Variants in NR5A2 observed in about 807,000 individuals in gnomAD.
NR5A2 encodes nuclear receptor subfamily 5 group A member 2, also known as CYP7A promoter-binding factor.
NR5A2 carries 26 observed loss-of-function variants against 62.7 expected under a neutral mutation model. That is an observed-to-expected ratio of 0.41 (90% CI 0.30 to 0.58). The LOEUF (loss-of-function observed/expected upper bound fraction) is 0.58, where lower values mean the gene tolerates loss of function less well. Ranked by LOEUF, NR5A2 falls within the 20% of genes least tolerant of loss-of-function variation. The pLI, the probability that NR5A2 is intolerant of heterozygous loss-of-function variation, is 0.22. For synonymous variants in NR5A2, 246 were observed against 241.7 expected (o/e 1.02, Z -0.16); for missense variants, 541 against 669.1 (o/e 0.81, Z 2.11).
chr1:200,126,730 G>A (rs1439403925), intron 7 of NR5A2, among the ~76,000 whole-genome samples: 4 of 148,996 alleles, frequency 2.7e-5, no homozygotes, highest in African/African-American at 5.0e-5. Context: ...GTCTCACTAT[G>A]TTGCCCAGGC....
Position 200,039,619 on chromosome 1 carries a change from T to G in NR5A2, c.65-39T>G, listed in dbSNP as rs1332373297. ...GCAGGCATCCCGGTCGCCCCTTCCT[T>G]CTTTTCGCCGGAGTTGAATCTGTGC... On this transcript the variant is annotated intron_variant, in intron 1 of 7. Transcript: ENST00000367362. The surrounding 1 kb of genome is among the most constrained non-coding windows in gnomAD (Gnocchi z 5.1). 6.2e-7 allele frequency: 1 copy of G among 1,606,724 alleles called. No homozygotes were observed. The highest frequency in any genetic ancestry group is 1.4e-5 in the African/African-American group (1 of 73,572).
At chr1:200,107,694 C>T (rs1480948831) in intron 5 of NR5A2, among the ~76,000 whole-genome samples, 1 of 152,148 alleles carries the variant, frequency 6.6e-6, no homozygotes. Flanking sequence ...GGCTGAAGTG[C>T]AGTGACACGA....
rs755882576 is a variant in NR5A2 at position 200,111,189 on chromosome 1, A to T, written c.1111-13A>T. 1 of 1,601,300 alleles carries T rather than the reference A, an allele frequency of 6.2e-7. No homozygotes were observed. On this transcript the variant is annotated splice_polypyrimidine_tract_variant and intron_variant, in intron 5 of 7. Transcript: ENST00000367362. ...TTGTTTTTTTTGTTTGTTTGTTTCT[A>T]TTTCTTTTGCAGGTTGATGACCAAA...
In NR5A2 at chr1:200,039,864, C is replaced by T. The variant is rs1241469506; in HGVS notation, c.202+69C>T. On this transcript the variant is annotated intron_variant, in intron 2 of 7. Transcript: ENST00000367362. The surrounding 1 kb of genome is among the most constrained non-coding windows in gnomAD (Gnocchi z 5.1). ...ACCCCCGGGCTCGCCCTGCAGGCTT[C>T]AGCCTCCCGCCCCGCGCGGGCGCGG... 10 of 1,497,656 alleles carry T rather than the reference C, an allele frequency of 6.7e-6. No individual in the cohort carries two copies. The highest frequency in any genetic ancestry group is 3.5e-6 in the Non-Finnish European group (4 of 1,131,366). The allele number at this position is 1,497,656 out of a possible 1,614,324, so 92.8% of individuals were successfully genotyped here.
Position 200,048,776 on chromosome 1 carries a change from T to A in NR5A2, c.1068T>A (p.Ile356=), listed in dbSNP as rs904337593. The part of the protein sequence containing the change: ...CKMADQTLFS[I]VEWARSSIFF... ...TGGCAGATCAAACTCTCTTCTCCAT[T>A]GTCGAGTGGGCCAGGAGTAGTATCT... Residue 356 remains isoleucine (I), a synonymous_variant, in exon 5 of 8, where the codon ATT becomes ATA. Coordinates refer to ENST00000367362, the MANE Select transcript of NR5A2 (RefSeq NM_205860.3). The surrounding 1 kb of genome is among the most constrained non-coding windows in gnomAD (Gnocchi z 4.8). 1.2e-6 allele frequency: 2 copies of A among 1,614,064 alleles called. No individual in the cohort carries two copies. The highest frequency in any genetic ancestry group is 1.7e-6 in the Non-Finnish European group (2 of 1,180,042).
intron 2 of NR5A2, among the ~76,000 whole-genome samples, chr1:200,041,403 C>T (rs1052106739): frequency 1.3e-5 from 2 of 152,100 alleles, no homozygotes; most frequent in African/African-American, 4.8e-5. Context: ...AGCGCCGGGG[C>T]AAGGCTTCGT....
At chr1:200,173,938 T>C (rs1654300139) in intron 7 of NR5A2, 25 bp from the exon 8 acceptor site, 2 of 72,692 alleles carry the variant, frequency 2.8e-5, no homozygotes, top group East Asian at 1.1e-3. Context: ...AAATGTTGCT[T>C]TTTTTTTTTT....
rs541638298 is a variant in NR5A2 at position 200,084,458 on chromosome 1, T to C, written c.1111-26744T>C. On this transcript the variant is annotated intron_variant, in intron 5 of 7. Transcript: ENST00000367362. ...GATTTAGGGAAAAATAATAGTTTTT[T>C]AAAGGTAGATTTATAGTTAGTAACT... is the stretch of plus-strand genomic sequence containing the variant. Among the ~76,000 whole-genome samples the C allele has an allele frequency of 4.6e-5, 7 of 152,332 alleles. 1 individual carries two copies. The highest frequency in any genetic ancestry group is 1.7e-4 in the African/African-American group (7 of 41,578).
intron 7 of NR5A2, among the ~76,000 whole-genome samples, chr1:200,128,699 G>T (rs796581902): frequency 4.6e-5 from 7 of 152,276 alleles, no homozygotes; most frequent in African/African-American, 1.7e-4. Context: ...AGGGCAGGGT[G>T]GAGTGGGGGT....
intron 5 of NR5A2, among the ~76,000 whole-genome samples, chr1:200,076,455 A>T (rs1571431038): frequency 6.8e-6 from 1 of 146,276 alleles, no homozygotes; most frequent in Non-Finnish European, 1.5e-5. Context: ...ATGCCCAGGA[A>T]TTTTTTTTTT....
intron 5 of NR5A2, among the ~76,000 whole-genome samples, chr1:200,095,556 A>G (rs566959333): frequency 2.0e-5 from 3 of 151,618 alleles, no homozygotes; most frequent in Non-Finnish European, 4.4e-5. Flanking sequence ...TCACCAAGTA[A>G]TATATTTTTT....
chr1:200,174,036 C>T lies in NR5A2; in HGVS notation c.1452C>T (p.Tyr484=), dbSNP rs1049925447. ...QEQVNAALLD[Y]TMCNYPQQTE... ...AAGTCAATGCCGCCCTGCTGGACTA[C>T]ACAATGTGTAACTACCCGCAGCAGA... Residue 484 remains tyrosine (Y), a synonymous_variant, in exon 8 of 8, where the codon TAC becomes TAT. Coordinates refer to ENST00000367362, the MANE Select transcript of NR5A2 (RefSeq NM_205860.3). 1.2e-6 allele frequency: 2 copies of T among 1,610,468 alleles called. No individual in the cohort carries two copies. The highest frequency in any genetic ancestry group is 2.7e-5 in the African/African-American group (2 of 74,254).
At chr1:200,102,361 T>TA (rs1177365286) in intron 5 of NR5A2, among the ~76,000 whole-genome samples, 1 of 152,192 alleles carries the variant, frequency 6.6e-6, no homozygotes, top group Non-Finnish European at 1.5e-5. Context: ...GTGGTTTCTT[T>TA]AGCGGTTCCT....
intron 7 of NR5A2, among the ~76,000 whole-genome samples, chr1:200,153,721 C>A: frequency 6.6e-6 from 1 of 150,758 alleles, no homozygotes; most frequent in African/African-American, 2.4e-5. Context: ...AAGAATGAGA[C>A]AATAATGTAT....
intron 5 of NR5A2, among the ~76,000 whole-genome samples, chr1:200,086,774 C>T (rs1339489527): frequency 1.3e-5 from 2 of 152,168 alleles, no homozygotes; most frequent in African/African-American, 2.4e-5. Context: ...CAAGGTGGCT[C>T]ACGCCTCTAA....
At chr1:200,124,313 C>T (rs919616263) in intron 7 of NR5A2, among the ~76,000 whole-genome samples, 4 of 152,158 alleles carry the variant, frequency 2.6e-5, no homozygotes, top group African/African-American at 9.7e-5. Flanking sequence ...TCATCACTTT[C>T]TAATCTAAAA....
chr1:200,088,000 C>A (rs1324431357), intron 5 of NR5A2, among the ~76,000 whole-genome samples: 2 of 152,128 alleles, frequency 1.3e-5, no homozygotes, highest in African/African-American at 4.8e-5. Flanking sequence ...ATCTGCCCAC[C>A]TGGGCCTCAC....
At chr1:200,137,794 A>T (rs1667293190) in intron 7 of NR5A2, among the ~76,000 whole-genome samples, 1 of 152,066 alleles carries the variant, frequency 6.6e-6, no homozygotes, top group African/African-American at 2.4e-5. Flanking sequence ...ATTTTTTTTA[A>T]AAAAAGTTTA....
At chr1:200,052,692 A>AGG (rs1057163356) in intron 5 of NR5A2, among the ~76,000 whole-genome samples, 2 of 150,738 alleles carry the variant, frequency 1.3e-5, no homozygotes, top group Admixed American at 1.3e-4. Context: ...CCCAGGTTGG[A>AGG]GTGCAGTGGT....
Sources: gnomAD v4.1 joint callset for allele counts (sites outside exome capture counted in the v4.1 genomes callset) on GRCh38, gnomAD v4.1.1 for gene constraint, Gnocchi (gnomAD v3.1) non-coding constraint, MANE v1.5 for transcripts, NCBI Gene and HGNC (gene_info 2026-07-23, HGNC 2026-07-21) for gene names.